Variants in TNFSF4 observed in about 807,000 individuals in gnomAD.
The protein encoded by TNFSF4 is tumor necrosis factor ligand superfamily member 4.
Under a neutral mutation model 7.3 loss-of-function variants are expected in TNFSF4, and 4 were observed. That is an observed-to-expected ratio of 0.55 (90% CI 0.27 to 1.25). The LOEUF is 1.25. TNFSF4 is among the 50% of genes most tolerant of loss of function. The pLI, the probability that TNFSF4 is intolerant of heterozygous loss-of-function variation, is 0.12. For missense variants in TNFSF4, 181 were observed against 208.8 expected, an observed-to-expected ratio of 0.87 and a Z score of 0.82; for synonymous variants, 76 against 83.7, an observed-to-expected ratio of 0.91 and a Z score of 0.50.
the TNFSF4 span, among the ~76,000 whole-genome samples, chr1:173,383,061 T>C: frequency 6.6e-6 from 1 of 152,212 alleles, no homozygotes; most frequent in African/African-American, 2.4e-5. Flanking sequence ...TCATCTTAGT[T>C]ATCCCCAACA....
the TNFSF4 span, among the ~76,000 whole-genome samples, chr1:173,224,745 G>A: frequency 9.9e-5 from 15 of 152,208 alleles, no homozygotes; most frequent in Admixed American, 9.2e-4. Context: ...ATAGTGAAGA[G>A]TAATGCAATT....
chr1:173,423,732 C>T, the TNFSF4 span, among the ~76,000 whole-genome samples: 2 of 152,370 alleles, frequency 1.3e-5, no homozygotes, highest in East Asian at 3.9e-4. Context: ...TGAACCAAAA[C>T]TATGCCTATC....
chr1:173,284,495 G>T, the TNFSF4 span, among the ~76,000 whole-genome samples: 1 of 152,184 alleles, frequency 6.6e-6, no homozygotes, highest in Non-Finnish European at 1.5e-5. Flanking sequence ...GGTTTTTCAA[G>T]GTAGATGAAA....
chr1:173,287,638 G>A, the TNFSF4 span, among the ~76,000 whole-genome samples: 1 of 152,070 alleles, frequency 6.6e-6, no homozygotes, highest in Non-Finnish European at 1.5e-5. Flanking sequence ...TCTCAGAAAA[G>A]TTATTTATTA....
At chr1:173,179,594 A>T (rs1215858390), downstream of TNFSF4, among the ~76,000 whole-genome samples, 2 of 152,232 alleles carry the variant, frequency 1.3e-5, no homozygotes, top group Non-Finnish European at 2.9e-5. Context: ...CCGTTGTATA[A>T]TCAAAAACAT....
the TNFSF4 span, among the ~76,000 whole-genome samples, chr1:173,216,223 T>C: frequency 6.6e-6 from 1 of 152,114 alleles, no homozygotes; most frequent in Non-Finnish European, 1.5e-5. Flanking sequence ...AGGAATCCCC[T>C]TACATGGGCA....
At chr1:173,329,525 G>T in the TNFSF4 span, among the ~76,000 whole-genome samples, 2 of 152,042 alleles carry the variant, frequency 1.3e-5, no homozygotes, top group Non-Finnish European at 1.5e-5. Context: ...ATGTACTGCG[G>T]CTATATAAAA....
Position 173,186,563 on chromosome 1 carries a change from C to T in TNFSF4, c.505G>A (p.Glu169Lys). ...GGATTTTGATGGATAAGAATCAGTT[C>T]TCCGCCATTCACATGGAAGTCATCC... ...SLDDFHVNGGELILIHQNPGE... is the reference protein window; with the variant it reads ...SLDDFHVNGGKLILIHQNPGE... The change falls in exon 3 of 3, where the codon GAA becomes AAA. Residue 169 changes from glutamate to lysine, a missense_variant. Physicochemically the swap from Glu to Lys is moderately conservative, Grantham distance 56. Coordinates refer to ENST00000281834, the MANE Select transcript of TNFSF4 (RefSeq NM_003326.5). 1 of 1,614,098 alleles carries T rather than the reference C, an allele frequency of 6.2e-7. No homozygotes were observed.
At chr1:173,316,466 T>C in the TNFSF4 span, among the ~76,000 whole-genome samples, 1 of 152,096 alleles carries the variant, frequency 6.6e-6, no homozygotes, top group Non-Finnish European at 1.5e-5. Flanking sequence ...ACAAAGACTT[T>C]TTCCAAGTAA....
chr1:173,189,743 C>A (rs1164398114), intron 1 of TNFSF4, among the ~76,000 whole-genome samples: 1 of 151,798 alleles, frequency 6.6e-6, no homozygotes, highest in African/African-American at 2.4e-5. Flanking sequence ...AAAGAATATA[C>A]AATACATTAA....
the TNFSF4 span, among the ~76,000 whole-genome samples, chr1:173,331,836 T>C: frequency 2.6e-5 from 4 of 152,172 alleles, no homozygotes; most frequent in African/African-American, 7.2e-5. Flanking sequence ...CATGATAACA[T>C]AGGTGAAACT....
the TNFSF4 span, among the ~76,000 whole-genome samples, chr1:173,310,398 A>G: frequency 6.6e-6 from 1 of 151,934 alleles, no homozygotes; most frequent in Non-Finnish European, 1.5e-5. Flanking sequence ...ATTTTTAAAT[A>G]TTTGACCCAG....
At chr1:173,432,369 T>C in the TNFSF4 span, among the ~76,000 whole-genome samples, 1 of 152,196 alleles carries the variant, frequency 6.6e-6, no homozygotes, top group Admixed American at 6.5e-5. Flanking sequence ...AAACAGAGCC[T>C]TTATGGAAAT....
intron 1 of TNFSF4, among the ~76,000 whole-genome samples, chr1:173,202,414 T>C (rs1170780464): frequency 6.6e-6 from 1 of 152,208 alleles, no homozygotes; most frequent in African/African-American, 2.4e-5. Flanking sequence ...TAGTGAATAA[T>C]ATTAGCTGCC....
the TNFSF4 span, among the ~76,000 whole-genome samples, chr1:173,314,514 A>G: frequency 6.6e-6 from 1 of 152,066 alleles, no homozygotes; most frequent in Non-Finnish European, 1.5e-5. Flanking sequence ...GTGTTTCCAT[A>G]GCACATCCAT....
At chr1:173,429,029 GA>G in the TNFSF4 span, among the ~76,000 whole-genome samples, 1 of 151,710 alleles carries the variant, frequency 6.6e-6, no homozygotes, top group Non-Finnish European at 1.5e-5. Context: ...AAGAAAGAAA[GA>G]AAGAAATAAC....
chr1:173,248,675 G>A, the TNFSF4 span, among the ~76,000 whole-genome samples: 1 of 152,164 alleles, frequency 6.6e-6, no homozygotes, highest in African/African-American at 2.4e-5. Flanking sequence ...AAAGACAAGA[G>A]AGGCAGGCGG....
chr1:173,173,598 G>A, the TNFSF4 span, among the ~76,000 whole-genome samples: 1 of 152,202 alleles, frequency 6.6e-6, no homozygotes, highest in African/African-American at 2.4e-5. Context: ...TGAAATCTAG[G>A]CAGAGGTACC....
the TNFSF4 span, among the ~76,000 whole-genome samples, chr1:173,228,685 A>C: frequency 6.6e-6 from 1 of 152,226 alleles, no homozygotes; most frequent in African/African-American, 2.4e-5. Flanking sequence ...ACCTTGAAAA[A>C]AGATTAGATG....
Sources: gnomAD v4.1 joint callset for allele counts (sites outside exome capture counted in the v4.1 genomes callset) on GRCh38, gnomAD v4.1.1 for gene constraint, MANE v1.5 for transcripts, NCBI Gene and HGNC (gene_info 2026-07-23, HGNC 2026-07-21) for gene names.